Variants in PFKL observed in about 807,000 individuals in gnomAD.
The protein encoded by PFKL is phosphofructokinase, liver type, also known as ATP-dependent 6-phosphofructokinase, liver type.
Under a neutral mutation model 92.1 loss-of-function variants are expected in PFKL, and 74 were observed. The ratio of observed to expected loss-of-function variants is 0.80; its 90% CI spans 0.67 to 0.97. The LOEUF (loss-of-function observed/expected upper bound fraction) is 0.97. Among genes scored for constraint, PFKL ranks in the 50% least tolerant of loss-of-function variants. The pLI, the probability that PFKL is intolerant of heterozygous loss-of-function variation, is 0.00. For missense variants in PFKL, 1,028 were observed against 1,116.6 expected (o/e 0.92, Z 1.13); for synonymous variants, 494 against 456.4 (o/e 1.08, Z -1.05).
intron 1 of PFKL, among the ~76,000 whole-genome samples, chr21:44,302,554 C>G (rs1673995384): frequency 6.6e-6 from 1 of 152,182 alleles, no homozygotes. Flanking sequence ...AAAGGCTGAC[C>G]CTGGCCGAGG....
intron 1 of PFKL, chr21:44,305,470 TGAGGGGCAC>T (rs1320334537): frequency 7.7e-7 from 1 of 1,291,868 alleles, no homozygotes; most frequent in Non-Finnish European, 1.0e-6. Context: ...CAGGGGCTTT[TGAGGGGCAC>T]GAGGCTTGGG....
chr21:44,324,532 C>T lies in PFKL; in HGVS notation c.1692C>T (p.Arg564=), dbSNP rs1193091268. 3 of 1,613,358 alleles carry T rather than the reference C, an allele frequency of 1.9e-6. No homozygotes were observed. Among genetic ancestry groups the T allele is most frequent in the African/African-American group, 2.7e-5 (2 of 74,912 alleles). Residue 564 remains arginine (R), a synonymous_variant, in exon 17 of 22, where the codon CGC becomes CGT. Coordinates refer to ENST00000349048, the MANE Select transcript of PFKL (RefSeq NM_002626.6). The part of the protein sequence containing the change: ...RIKQSASGTK[R]RVFIVETMGG... ...AACAGTCTGCCTCGGGGACCAAGCG[C>T]CGTGTGTTCATCGTGGAGACCATGG...
chr21:44,322,915 G>T, intron 14 of PFKL, 47 bp from the exon 15 acceptor site: 1 of 1,406,462 alleles, frequency 7.1e-7, no homozygotes, highest in Middle Eastern at 2.2e-4. Flanking sequence ...ATCTGGACAC[G>T]CGTCCCCGGG....
At chr21:44,308,810 C>A (rs2041030536) in intron 2 of PFKL, among the ~76,000 whole-genome samples, 1 of 152,128 alleles carries the variant, frequency 6.6e-6, no homozygotes, top group African/African-American at 2.4e-5. Flanking sequence ...GATCCACCCG[C>A]CTCTGCTTCC....
chr21:44,311,388 A>G (rs2047043652), intron 3 of PFKL, among the ~76,000 whole-genome samples: 1 of 152,054 alleles, frequency 6.6e-6, no homozygotes, highest in African/African-American at 2.4e-5. Context: ...GCACACAGAC[A>G]CACACAGATG....
intron 2 of PFKL, among the ~76,000 whole-genome samples, chr21:44,308,387 C>T (rs545379030): frequency 3.3e-5 from 5 of 152,146 alleles, no homozygotes; most frequent in Admixed American, 1.3e-4. Flanking sequence ...GAAGACTTCC[C>T]CTCCGTCCCA....
At chr21:44,306,336 C>G (rs1299270659) in intron 1 of PFKL, among the ~76,000 whole-genome samples, 1 of 152,156 alleles carries the variant, frequency 6.6e-6, no homozygotes, top group Non-Finnish European at 1.5e-5. Flanking sequence ...GCACCATACT[C>G]CAGGTGCTCG....
chr21:44,310,114 C>A (rs1420920681), intron 2 of PFKL, among the ~76,000 whole-genome samples: 1 of 152,238 alleles, frequency 6.6e-6, no homozygotes, highest in East Asian at 1.9e-4. Context: ...CTGCTGATGC[C>A]ATGGAGGGAC....
rs774235360 is a variant in PFKL at position 44,324,476 on chromosome 21, C to G, written c.1651-15C>G. 1.2e-6 allele frequency: 2 copies of G among 1,612,506 alleles called. No homozygotes were observed. Among genetic ancestry groups the G allele is most frequent in the Non-Finnish European group, 1.7e-6 (2 of 1,179,494 alleles). On this transcript the variant is annotated splice_polypyrimidine_tract_variant and intron_variant, in intron 16 of 21. Transcript: ENST00000349048. ...TGGGCACGTGGAGGACCCCCGACCCCCCCTTGTCCCCCAGAGCTGTGACCG... is the reference window on the plus strand; with the variant it reads ...TGGGCACGTGGAGGACCCCCGACCCGCCCTTGTCCCCCAGAGCTGTGACCG...
At chr21:44,324,736 G>T in intron 17 of PFKL, 81 bp downstream of exon 17, 1 of 1,566,632 alleles carries the variant, frequency 6.4e-7, no homozygotes, top group Non-Finnish European at 8.7e-7. Context: ...GGCCAGCGCA[G>T]GGCAGGGCCC....
Position 44,300,145 on chromosome 21 carries a change from G to A in PFKL, c.40G>A (p.Ala14Thr). The change falls in exon 1 of 22, where the codon GCG becomes ACG. Residue 14 changes from alanine (A) to threonine (T), a missense_variant. By Grantham distance (58) the Ala-to-Thr change is moderately conservative (BLOSUM62 0). Coordinates refer to ENST00000349048, the MANE Select transcript of PFKL (RefSeq NM_002626.6). ...VDLEKLRASG[A>T]GKAIGVLTSG... Reference sequence around the variant, plus strand: ...CCTGGAGAAGCTGCGGGCGTCGGGCGCGGGCAAGGCCATCGGCGTCCTGAC... The same window carrying A: ...CCTGGAGAAGCTGCGGGCGTCGGGCACGGGCAAGGCCATCGGCGTCCTGAC... 2 of 1,193,886 alleles carry A rather than the reference G, an allele frequency of 1.7e-6. No homozygotes were observed. 74.0% of individuals were successfully genotyped at this position (1,193,886 alleles called of 1,614,324 possible). A position where few individuals can be genotyped will look rare whatever the true frequency, so the allele number is the denominator to read the frequency against.
At chr21:44,300,645 C>G (rs2040745916) in intron 1 of PFKL, among the ~76,000 whole-genome samples, 1 of 152,258 alleles carries the variant, frequency 6.6e-6, no homozygotes, top group Non-Finnish European at 1.5e-5. Flanking sequence ...CGGACTCACT[C>G]CCGGACCGCG....
At chr21:44,325,665 G>C (rs2047486107) in intron 19 of PFKL, 1 of 511,496 alleles carries the variant, frequency 2.0e-6, no homozygotes, top group African/African-American at 1.9e-5. Flanking sequence ...GGGGCCCGAG[G>C]TGATGGGGCC....
intron 1 of PFKL, among the ~76,000 whole-genome samples, chr21:44,304,070 T>TA (rs1421911677): frequency 1.7e-5 from 2 of 116,754 alleles, no homozygotes; most frequent in East Asian, 6.3e-4. Context: ...AGTCCCGTTC[T>TA]AAAATCCAGT....
chr21:44,323,678 C>A lies in PFKL; in HGVS notation c.1498-88C>A, dbSNP rs535977159. On this transcript the variant is annotated intron_variant, in intron 15 of 21. Coordinates refer to ENST00000349048, the MANE Select transcript of PFKL (RefSeq NM_002626.6). ...GGGCACATGACAGGTCAGCAGGGAGCAGGGCTGGGCGGCCGCCGGCAGAGC... is the reference window on the plus strand; with the variant it reads ...GGGCACATGACAGGTCAGCAGGGAGAAGGGCTGGGCGGCCGCCGGCAGAGC... 4.9e-5 allele frequency: 69 copies of A among 1,395,856 alleles called. No individual in the cohort carries two copies. The African/African-American group carries it at 8.9e-4, about 18-fold the overall frequency. 86.5% of individuals were successfully genotyped at this position (1,395,856 alleles called of 1,614,324 possible).
rs2047375042 is a variant in PFKL, at chr21:44,322,187, A to G, written c.1393A>G (p.Met465Val). 6.2e-7 allele frequency: 1 copy of G among 1,603,344 alleles called. No homozygotes were observed. The change falls in exon 14 of 22, where the codon ATG becomes GTG. Residue 465 changes from methionine to valine, a missense_variant. Physicochemically the swap from Met to Val is conservative, Grantham distance 21. Transcript: ENST00000349048. The stretch of plus-strand genomic sequence containing the variant: ...CGGCTGGTTGGGGCGTGGTGGCTCC[A>G]TGCTGGGGACCAAGAGGTGAGCTGC... ...VAGWLGRGGS[M>V]LGTKRTLPKG... is the part of the protein sequence containing the mutation.
At chr21:44,319,808 C>T in intron 11 of PFKL, 1 of 511,590 alleles carries the variant, frequency 2.0e-6, no homozygotes, top group Non-Finnish European at 3.5e-6. Context: ...CCCATGCGTG[C>T]CTCCACCCGC....
chr21:44,324,377 C>T (rs1030422848), intron 16 of PFKL, 114 bp from the exon 17 acceptor site: 91 of 1,056,640 alleles, frequency 8.6e-5, no homozygotes, highest in South Asian at 1.5e-4. Flanking sequence ...TGTCTGGGTG[C>T]GTCAGCCCCA....
intron 2 of PFKL, among the ~76,000 whole-genome samples, chr21:44,310,274 G>A (rs1411900014): frequency 6.6e-6 from 1 of 152,254 alleles, no homozygotes; most frequent in Non-Finnish European, 1.5e-5. Flanking sequence ...TGCCATCTGG[G>A]AAATCCCAGG....
Sources: allele counts gnomAD v4.1 joint callset (sites outside exome capture counted in the v4.1 genomes callset), GRCh38; gene constraint gnomAD v4.1.1; transcripts MANE v1.5; gene names NCBI Gene and HGNC (gene_info 2026-07-23, HGNC 2026-07-21).